The following DCDC2 variants were observed in gnomAD, a reference collection of about 807,000 sequenced individuals.
The protein encoded by DCDC2 is doublecortin domain containing 2, also known as doublecortin domain-containing protein 2.
In DCDC2, 40 loss-of-function variants were observed where a neutral mutation model predicts 50.2. The ratio of observed to expected loss-of-function variants is 0.80; its 90% CI spans 0.62 to 1.04. DCDC2 has a LOEUF of 1.04. Among genes scored for constraint, DCDC2 ranks in the 50% least tolerant of loss-of-function variants. The probability of loss-of-function intolerance (pLI) is 0.00; values close to 1 mark genes in which losing one functional copy is unlikely to be tolerated. For missense variants in DCDC2, 570 were observed against 581.9 expected, an observed-to-expected ratio of 0.98 and a Z score of 0.21; for synonymous variants, 234 against 210.6, an observed-to-expected ratio of 1.11 and a Z score of -0.96.
intron 2 of DCDC2, among the ~76,000 whole-genome samples, chr6:24,326,896 A>G (rs1223949752): frequency 6.7e-6 from 1 of 148,970 alleles, no homozygotes; most frequent in Admixed American, 6.7e-5. Context: ...GTTCATTTAC[A>G]TCCTCATTTA....
chr6:24,258,208 G>A (rs1320280983), intron 7 of DCDC2, among the ~76,000 whole-genome samples: 2 of 152,168 alleles, frequency 1.3e-5, no homozygotes, highest in Non-Finnish European at 2.9e-5. Flanking sequence ...TTATTGTGAA[G>A]AGCAAAAGAA....
intron 7 of DCDC2, among the ~76,000 whole-genome samples, chr6:24,236,842 T>C (rs1000296597): frequency 6.6e-6 from 1 of 152,064 alleles, no homozygotes; most frequent in Non-Finnish European, 1.5e-5. Context: ...AAACCCCATC[T>C]CTACTAAAAA....
At chr6:24,313,899 C>G (rs757727040) in intron 2 of DCDC2, among the ~76,000 whole-genome samples, 46 of 152,134 alleles carry the variant, frequency 3.0e-4, no homozygotes, top group Admixed American at 8.5e-4. Context: ...ACTGAGCTTA[C>G]AGGGATGGCA....
At chr6:24,192,124 T>C (rs1002274289) in intron 8 of DCDC2, among the ~76,000 whole-genome samples, 1 of 152,160 alleles carries the variant, frequency 6.6e-6, no homozygotes, top group Admixed American at 6.6e-5. Flanking sequence ...TCTGGAGATG[T>C]TGAACCTTAG....
chr6:24,172,846 T>A lies in DCDC2; in HGVS notation c.*1884A>T, dbSNP rs1248334840. The A allele has an allele frequency of 6.6e-6, 1 of 151,802 alleles. No individual in the cohort carries two copies. The highest frequency in any genetic ancestry group is 1.9e-4 in the East Asian group (1 of 5,182). The allele number at this position is 151,802 out of a possible 1,614,324, so 9.4% of individuals were successfully genotyped here. On this transcript the variant is annotated 3_prime_UTR_variant, in exon 10 of 10. Coordinates refer to ENST00000378454, the MANE Select transcript of DCDC2 (RefSeq NM_016356.5). Reference sequence around the variant, plus strand: ...TCTGTCTCTACAAAAAATACAAAAATTAGCCAGGTGTGGTGGCAGATGCCT... The same window carrying A: ...TCTGTCTCTACAAAAAATACAAAAAATAGCCAGGTGTGGTGGCAGATGCCT...
chr6:24,354,761 C>A (rs1581667989), intron 1 of DCDC2, among the ~76,000 whole-genome samples: 1 of 152,258 alleles, frequency 6.6e-6, no homozygotes, highest in East Asian at 1.9e-4. Flanking sequence ...GGGAAATACT[C>A]TCTAGAATCC....
At chr6:24,241,271 A>G (rs2061792429) in intron 7 of DCDC2, among the ~76,000 whole-genome samples, 1 of 152,250 alleles carries the variant, frequency 6.6e-6, no homozygotes, top group African/African-American at 2.4e-5. Flanking sequence ...GCTAGAAAGA[A>G]TGGTGAGTTT....
intron 7 of DCDC2, among the ~76,000 whole-genome samples, chr6:24,266,393 G>T (rs1415643640): frequency 2.0e-5 from 3 of 151,994 alleles, no homozygotes; most frequent in Admixed American, 1.3e-4. Context: ...CCACAGAATA[G>T]AAGAAAATAT....
chr6:24,362,437 T>G (rs1180120860), upstream of DCDC2, among the ~76,000 whole-genome samples: 1 of 141,314 alleles, frequency 7.1e-6, no homozygotes, highest in Non-Finnish European at 1.5e-5. Context: ...TAATTGTATA[T>G]TTATACAATT....
intron 2 of DCDC2, among the ~76,000 whole-genome samples, chr6:24,322,579 T>C (rs1759791893): frequency 6.6e-6 from 1 of 151,416 alleles, no homozygotes; most frequent in Admixed American, 6.6e-5. Flanking sequence ...TACAACCTGC[T>C]CTCTCTGAAG....
At chr6:24,228,808 G>T (rs1484230361) in intron 7 of DCDC2, among the ~76,000 whole-genome samples, 1 of 152,118 alleles carries the variant, frequency 6.6e-6, no homozygotes, top group Non-Finnish European at 1.5e-5. Context: ...TGAGCTCGTG[G>T]TCACTGTCCA....
At chr6:24,243,861 G>T (rs1304693595) in intron 7 of DCDC2, among the ~76,000 whole-genome samples, 1 of 152,146 alleles carries the variant, frequency 6.6e-6, no homozygotes, top group Non-Finnish European at 1.5e-5. Context: ...AAGAGAGATA[G>T]GGAGAGAGAT....
intron 4 of DCDC2, among the ~76,000 whole-genome samples, chr6:24,292,839 A>G (rs965687164): frequency 6.6e-6 from 1 of 152,202 alleles, no homozygotes; most frequent in African/African-American, 2.4e-5. Context: ...TCCACCCACT[A>G]AACAGTAGCA....
At chr6:24,197,010 G>A (rs1159083226) in intron 8 of DCDC2, among the ~76,000 whole-genome samples, 3 of 152,132 alleles carry the variant, frequency 2.0e-5, no homozygotes, top group African/African-American at 4.8e-5. Flanking sequence ...TAAGCACCTC[G>A]TATCGAACAA....
chr6:24,182,050 C>G (rs1021477085), intron 8 of DCDC2, among the ~76,000 whole-genome samples: 1 of 152,136 alleles, frequency 6.6e-6, no homozygotes, highest in African/African-American at 2.4e-5. Flanking sequence ...GGTGCCAACA[C>G]CATTCAGTAG....
At chr6:24,341,006 G>A (rs749719052) in intron 2 of DCDC2, among the ~76,000 whole-genome samples, 19 of 152,330 alleles carry the variant, frequency 1.2e-4, no homozygotes, top group Non-Finnish European at 2.4e-4. Context: ...GATGACAGGC[G>A]TGAGCCATGG....
At chr6:24,200,219 A>G (rs2113757842) in intron 8 of DCDC2, among the ~76,000 whole-genome samples, 1 of 152,330 alleles carries the variant, frequency 6.6e-6, no homozygotes, top group African/African-American at 2.4e-5. Context: ...CAGATTCACC[A>G]AGGTTGAAAT....
intron 7 of DCDC2, among the ~76,000 whole-genome samples, chr6:24,276,329 T>C (rs1020555395): frequency 1.4e-4 from 22 of 151,742 alleles, no homozygotes; most frequent in African/African-American, 5.1e-4. Flanking sequence ...TTTAAAAATA[T>C]ACTGGAAGTA....
chr6:24,377,059 C>A, the DCDC2 span, among the ~76,000 whole-genome samples: 2 of 152,170 alleles, frequency 1.3e-5, no homozygotes, highest in African/African-American at 2.4e-5. Context: ...GGAGGATTCT[C>A]CTGTCTCTAG....
Sources: gnomAD v4.1 joint callset for allele counts (sites outside exome capture counted in the v4.1 genomes callset) on GRCh38, gnomAD v4.1.1 for gene constraint, MANE v1.5 for transcripts, NCBI Gene and HGNC (gene_info 2026-07-23, HGNC 2026-07-21) for gene names.